The following RSPO3 variants were observed in gnomAD, a reference collection of about 807,000 sequenced individuals.
RSPO3 encodes the protein R-spondin 3, also known as R-spondin-3.
In RSPO3, 17 loss-of-function variants were observed where a neutral mutation model predicts 36.5. That is an observed-to-expected ratio of 0.47 (90% CI 0.32 to 0.70). RSPO3 has a LOEUF of 0.70. Ranked by LOEUF, RSPO3 falls within the 30% of genes least tolerant of loss-of-function variation. RSPO3 has a pLI of 0.04. For synonymous variants in RSPO3, 108 were observed against 107.0 expected (o/e 1.01, Z -0.06); for missense variants, 294 against 322.5 (o/e 0.91, Z 0.68).
chr6:127,136,384 A>G (rs949668715), intron 1 of RSPO3, among the ~76,000 whole-genome samples: 1 of 152,154 alleles, frequency 6.6e-6, no homozygotes, highest in Non-Finnish European at 1.5e-5. Flanking sequence ...AAAACAAACC[A>G]ATTACACATG....
chr6:127,144,785 C>T (rs1774349706), intron 1 of RSPO3, among the ~76,000 whole-genome samples: 1 of 151,726 alleles, frequency 6.6e-6, no homozygotes, highest in East Asian at 1.9e-4. Flanking sequence ...CCACACTGGG[C>T]TAATTTTTGT....
At chr6:127,161,369 A>T (rs1258690748) in intron 4 of RSPO3, among the ~76,000 whole-genome samples, 2 of 117,046 alleles carry the variant, frequency 1.7e-5, no homozygotes, top group East Asian at 5.1e-4. Flanking sequence ...TATTAAAGAA[A>T]AAGCTCTGCA....
intron 1 of RSPO3, among the ~76,000 whole-genome samples, chr6:127,135,992 G>T (rs551018818): frequency 6.6e-6 from 1 of 150,866 alleles, no homozygotes; most frequent in African/African-American, 2.4e-5. Context: ...AGGAAGATTT[G>T]TGTGAATTAT....
intron 4 of RSPO3, among the ~76,000 whole-genome samples, chr6:127,170,268 G>T (rs1382167332): frequency 1.3e-5 from 2 of 151,642 alleles, no homozygotes; most frequent in Non-Finnish European, 2.9e-5. Flanking sequence ...AGAACCCTCT[G>T]CTCTGTTGAA....
intron 4 of RSPO3, among the ~76,000 whole-genome samples, chr6:127,155,865 T>C (rs1254823091): frequency 1.4e-5 from 2 of 140,130 alleles, no homozygotes; most frequent in Non-Finnish European, 3.1e-5. Context: ...GGTAAGCTTT[T>C]GTAGCTAAGT....
chr6:127,150,237 A>G (rs1774464498), intron 2 of RSPO3, among the ~76,000 whole-genome samples, 189 bp from the exon 3 acceptor site: 1 of 151,912 alleles, frequency 6.6e-6, no homozygotes, highest in Non-Finnish European at 1.5e-5. Flanking sequence ...TGATTTTAAA[A>G]TCAATAACCA....
At chr6:127,149,306 G>A (rs942025984) in intron 2 of RSPO3, among the ~76,000 whole-genome samples, 21 of 152,002 alleles carry the variant, frequency 1.4e-4, no homozygotes, top group Admixed American at 5.3e-4. Context: ...TGCAGACCCA[G>A]GGACCTTTCT....
intron 1 of RSPO3, among the ~76,000 whole-genome samples, chr6:127,129,174 G>C (rs576519521): frequency 6.6e-6 from 1 of 152,030 alleles, no homozygotes; most frequent in South Asian, 2.1e-4. Context: ...ACTATAAATA[G>C]CACAGTTTTA....
intron 4 of RSPO3, among the ~76,000 whole-genome samples, chr6:127,163,613 C>T (rs1322716392): frequency 6.6e-6 from 1 of 152,064 alleles, no homozygotes; most frequent in Non-Finnish European, 1.5e-5. Context: ...CAGTTCCTTA[C>T]CTTTCATTTA....
chr6:127,161,282 A>C (rs1157967500), intron 4 of RSPO3, among the ~76,000 whole-genome samples: 2 of 152,224 alleles, frequency 1.3e-5, no homozygotes, highest in Non-Finnish European at 2.9e-5. Context: ...ATATAGAAAA[A>C]AAAATGAAAT....
intron 4 of RSPO3, among the ~76,000 whole-genome samples, chr6:127,186,791 G>A (rs1021547117): frequency 1.1e-4 from 17 of 152,094 alleles, no homozygotes; most frequent in Admixed American, 6.6e-5. Context: ...TGATAGTCAA[G>A]TACTAAAGAA....
chr6:127,183,433 C>G (rs988097060), intron 4 of RSPO3, among the ~76,000 whole-genome samples: 1 of 151,894 alleles, frequency 6.6e-6, no homozygotes, highest in South Asian at 2.1e-4. Flanking sequence ...GCTGAGTACT[C>G]TATAATAAGT....
At chr6:127,193,035 G>C (rs1775443848) in intron 4 of RSPO3, among the ~76,000 whole-genome samples, 1 of 152,106 alleles carries the variant, frequency 6.6e-6, no homozygotes, top group African/African-American at 2.4e-5. Context: ...AGGGTAGTTA[G>C]CATTTCCAAC....
At chr6:127,146,883 G>T (rs1007764557) in intron 1 of RSPO3, among the ~76,000 whole-genome samples, 1 of 152,008 alleles carries the variant, frequency 6.6e-6, no homozygotes, top group Non-Finnish European at 1.5e-5. Flanking sequence ...TACTTTTTAG[G>T]ATCTTTGCAA....
intron 1 of RSPO3, among the ~76,000 whole-genome samples, chr6:127,125,782 C>T (rs919375613): frequency 3.9e-5 from 6 of 152,102 alleles, no homozygotes; most frequent in East Asian, 1.9e-4. Flanking sequence ...AATCAGCATA[C>T]TCAGTCTACC....
chr6:127,134,135 G>A (rs971626236), intron 1 of RSPO3, among the ~76,000 whole-genome samples: 3 of 152,118 alleles, frequency 2.0e-5, no homozygotes, highest in Non-Finnish European at 2.9e-5. Flanking sequence ...GCAGGAAGGT[G>A]GAAGGAAGAT....
chr6:127,188,527 G>A (rs1401710237), intron 4 of RSPO3, among the ~76,000 whole-genome samples: 4 of 151,684 alleles, frequency 2.6e-5, no homozygotes, highest in Non-Finnish European at 5.9e-5. Context: ...AAATGTAACA[G>A]TAGTAGTCTA....
intron 1 of RSPO3, among the ~76,000 whole-genome samples, chr6:127,120,236 G>C (rs1773815050): frequency 6.6e-6 from 1 of 152,192 alleles, no homozygotes; most frequent in Admixed American, 6.5e-5. Flanking sequence ...AAGATGAAGG[G>C]ACAGATGCGA....
chr6:127,169,853 G>GTT (rs5879841), intron 4 of RSPO3, among the ~76,000 whole-genome samples: 46 of 151,150 alleles, frequency 3.0e-4, no homozygotes, highest in Admixed American at 6.6e-4. Context: ...TGCTTCTTTT[G>GTT]TTTTTTTTAA....
Sources: gnomAD v4.1 joint callset for allele counts (sites outside exome capture counted in the v4.1 genomes callset) on GRCh38, gnomAD v4.1.1 for gene constraint, MANE v1.5 for transcripts, NCBI Gene and HGNC (gene_info 2026-07-23, HGNC 2026-07-21) for gene names.